Variants in PCDH11X observed in about 807,000 individuals in gnomAD.
PCDH11X encodes the protein protocadherin 11 X-linked.
In PCDH11X, 18 loss-of-function variants were observed where a neutral mutation model predicts 53.3. The observed-to-expected ratio is 0.34, with a 90% CI of 0.23 to 0.50. The LOEUF (loss-of-function observed/expected upper bound fraction) is 0.50, where lower values mean the gene tolerates loss of function less well. PCDH11X is among the 20% of genes least tolerant of loss of function. The pLI, the probability that PCDH11X is intolerant of heterozygous loss-of-function variation, is 0.98. For missense variants in PCDH11X, 570 were observed against 1,032.4 expected (o/e 0.55, Z 6.14); for synonymous variants, 279 against 393.3 (o/e 0.71, Z 3.44).
chrX:92,326,694 C>G (rs1240282526), intron 8 of PCDH11X, among the ~76,000 whole-genome samples: 1 of 67,984 alleles, frequency 1.5e-5, no homozygotes. Context: ...AATGATAGAA[C>G]AGTTGATGAA....
At chrX:92,056,143 C>T (rs1183554513) in intron 6 of PCDH11X, among the ~76,000 whole-genome samples, 1 of 111,534 alleles carries the variant, frequency 9.0e-6, no homozygotes, top group Admixed American at 9.6e-5. Flanking sequence ...AATTAATTTA[C>T]ACTCCCACCA....
chrX:92,507,450 G>A (rs992713232), intron 10 of PCDH11X, among the ~76,000 whole-genome samples: 2 of 111,177 alleles, frequency 1.8e-5, no homozygotes, highest in African/African-American at 3.3e-5. Context: ...GTTTCAAAGT[G>A]CTTCATCTTC....
At chrX:92,332,392 G>GCATGCATGCACACATGTGTGCATTCA (rs1294400182) in intron 8 of PCDH11X, among the ~76,000 whole-genome samples, 3 of 110,065 alleles carry the variant, frequency 2.7e-5, no homozygotes, top group Non-Finnish European at 5.8e-5. Flanking sequence ...GTGTGTGTGT[G>GCATGCATGCACACATGTGTGCATTCA]CATGCATGCA....
chrX:92,010,988 G>A (rs1415004274), intron 6 of PCDH11X, among the ~76,000 whole-genome samples: 3 of 111,124 alleles, frequency 2.7e-5, no homozygotes, highest in Non-Finnish European at 5.7e-5. Context: ...TTGGATTCCT[G>A]TTCCTGTGCT....
chrX:92,316,898 G>T (rs2069088580), intron 8 of PCDH11X, among the ~76,000 whole-genome samples: 2 of 110,310 alleles, frequency 1.8e-5, no homozygotes, highest in Non-Finnish European at 3.8e-5. Context: ...AAGAACCAAT[G>T]CATGATAGAC....
At chrX:92,216,093 C>T (rs1214027181) in intron 7 of PCDH11X, among the ~76,000 whole-genome samples, 1 of 104,820 alleles carries the variant, frequency 9.5e-6, no homozygotes, top group Admixed American at 1.0e-4. Context: ...GATAAAACCA[C>T]AAAGATGGGG....
intron 6 of PCDH11X, among the ~76,000 whole-genome samples, chrX:92,144,524 T>C (rs1466940150): frequency 1.8e-5 from 2 of 111,663 alleles, no homozygotes; most frequent in Non-Finnish European, 3.8e-5. Flanking sequence ...TACTGCCATG[T>C]AAGAAGTGTC....
intron 9 of PCDH11X, among the ~76,000 whole-genome samples, chrX:92,465,583 C>A (rs1168935637): frequency 1.8e-5 from 2 of 111,647 alleles, no homozygotes; most frequent in African/African-American, 3.2e-5. Flanking sequence ...ATGGTGAGTT[C>A]TATTGACCTA....
At chrX:92,381,442 G>A (rs1322908472) in intron 8 of PCDH11X, among the ~76,000 whole-genome samples, 2 of 111,568 alleles carry the variant, frequency 1.8e-5, no homozygotes, top group African/African-American at 3.3e-5. Context: ...ACACACTAAC[G>A]AAATTGCTAG....
At chrX:91,924,808 T>C (rs1193238833) in intron 6 of PCDH11X, among the ~76,000 whole-genome samples, 1 of 111,427 alleles carries the variant, frequency 9.0e-6, no homozygotes, top group Non-Finnish European at 1.9e-5. Flanking sequence ...TCAGTAATTG[T>C]GTATGTGTAG....
intron 5 of PCDH11X, among the ~76,000 whole-genome samples, chrX:91,847,732 G>A (rs1237082322): frequency 9.0e-6 from 1 of 111,425 alleles, no homozygotes; most frequent in Non-Finnish European, 1.9e-5. Flanking sequence ...CAGCAGAAAC[G>A]CTGTCATCAA....
intron 6 of PCDH11X, among the ~76,000 whole-genome samples, chrX:91,919,480 G>A (rs1941675906): frequency 9.0e-6 from 1 of 111,497 alleles, no homozygotes; most frequent in Non-Finnish European, 1.9e-5. Context: ...GCATCAGGCT[G>A]ATTTGAAATC....
intron 7 of PCDH11X, among the ~76,000 whole-genome samples, chrX:92,207,758 T>A (rs1479155026): frequency 2.7e-5 from 3 of 111,592 alleles, no homozygotes; most frequent in Non-Finnish European, 5.6e-5. Flanking sequence ...TCACAGCTTA[T>A]GACTCATGTC....
At chrX:92,133,566 A>G (rs1319415683) in intron 6 of PCDH11X, among the ~76,000 whole-genome samples, 1 of 111,405 alleles carries the variant, frequency 9.0e-6, no homozygotes, top group African/African-American at 3.3e-5. Context: ...GGGTTTCTCC[A>G]TGTTGGTCAG....
At chrX:91,805,169 A>G (rs1468532981) in intron 1 of PCDH11X, among the ~76,000 whole-genome samples, 1 of 107,903 alleles carries the variant, frequency 9.3e-6, no homozygotes, top group Non-Finnish European at 1.9e-5. Flanking sequence ...TTACTTCAAC[A>G]TATTTAAATG....
At chrX:92,213,422 G>A (rs766291278) in intron 7 of PCDH11X, among the ~76,000 whole-genome samples, 4 of 111,789 alleles carry the variant, frequency 3.6e-5, no homozygotes, top group African/African-American at 1.3e-4. Context: ...GGCTCAGAGA[G>A]GTTAAATAAT....
At chrX:91,902,262 T>A (rs1014485846) in intron 6 of PCDH11X, among the ~76,000 whole-genome samples, 68 of 110,448 alleles carry the variant, frequency 6.2e-4, no homozygotes, top group Non-Finnish European at 1.1e-3. Context: ...CTAGTCTCTA[T>A]CCCCTCCATT....
intron 7 of PCDH11X, among the ~76,000 whole-genome samples, chrX:92,248,730 C>T (rs757463273): frequency 6.2e-4 from 69 of 111,292 alleles, no homozygotes; most frequent in African/African-American, 2.2e-3. Flanking sequence ...CTCACTCTGT[C>T]GCCCAGGCTG....
At chrX:92,269,307 G>A (rs1000718392) in intron 8 of PCDH11X, among the ~76,000 whole-genome samples, 6 of 111,763 alleles carry the variant, frequency 5.4e-5, no homozygotes, top group African/African-American at 2.0e-4. Context: ...CAGCCACTGA[G>A]CACATTTAGG....
Sources: gnomAD v4.1 joint callset for allele counts (sites outside exome capture counted in the v4.1 genomes callset) on GRCh38, gnomAD v4.1.1 for gene constraint, MANE v1.5 for transcripts, NCBI Gene and HGNC (gene_info 2026-07-23, HGNC 2026-07-21) for gene names.